CD274: variants seen among roughly 807,000 people sequenced by gnomAD.
The protein encoded by CD274 is programmed cell death 1 ligand 1.
In CD274, 8 loss-of-function variants were observed where a neutral mutation model predicts 30.1. That is an observed-to-expected ratio of 0.27 (90% CI 0.16 to 0.48). CD274 has a LOEUF of 0.48. CD274 is among the 20% of genes least tolerant of loss of function. The probability of loss-of-function intolerance (pLI) is 0.99; values close to 1 mark genes in which losing one functional copy is unlikely to be tolerated. For missense variants in CD274, 353 were observed against 346.6 expected, an observed-to-expected ratio of 1.02 and a Z score of -0.15; for synonymous variants, 152 against 124.6, an observed-to-expected ratio of 1.22 and a Z score of -1.46.
Position 5,467,917 on chromosome 9 carries a change from G to A in CD274, c.*55G>A, listed in dbSNP as rs1809597240. On this transcript the variant is annotated 3_prime_UTR_variant, in exon 7 of 7. Transcript: ENST00000381577. ...AGGGATTCTCAACCTGTGGTTTAGG[G>A]GTTCATCGGGGCTGAGCGTGACAAG... is the stretch of plus-strand genomic sequence containing the variant. 2 of 1,466,422 alleles carry A rather than the reference G, an allele frequency of 1.4e-6. No homozygotes were observed. Among genetic ancestry groups the A allele is most frequent in the Non-Finnish European group, 1.9e-6 (2 of 1,045,402 alleles). The allele number at this position is 1,466,422 out of a possible 1,614,324, so 90.8% of individuals were successfully genotyped here.
rs1183677374 is a variant in CD274, at chr9:5,462,859, A to G, written c.420A>G (p.Arg140=). 1.9e-6 allele frequency: 3 copies of G among 1,613,626 alleles called. No individual in the cohort carries two copies. The Admixed American group carries it at 5.0e-5, about 27-fold the overall frequency. ...VNAPYNKINQ[R]ILVVDPVTSE... ...CCCCATACAACAAAATCAACCAAAG[A>G]ATTTTGGTTGTGGATCCAGTCACCT... Residue 140 remains arginine (R), a synonymous_variant, in exon 4 of 7, where the codon AGA becomes AGG. Coordinates refer to ENST00000381577, the MANE Select transcript of CD274 (RefSeq NM_014143.4).
At chr9:5,450,683 C>A (rs569851352) in intron 1 of CD274, 87 bp downstream of exon 1, 4 of 152,394 alleles carry the variant, frequency 2.6e-5, no homozygotes, top group South Asian at 2.1e-4. Flanking sequence ...GGTCTCTACA[C>A]CCTTTCTTTG....
In CD274 at chr9:5,467,827, T is replaced by A. The variant is rs1236651628; in HGVS notation, c.851-13T>A. On this transcript the variant is annotated splice_polypyrimidine_tract_variant and intron_variant, in intron 6 of 6. Coordinates refer to ENST00000381577, the MANE Select transcript of CD274 (RefSeq NM_014143.4). ...ACTTCCCATGAAATTAATATACTAT[T>A]ATCACTCTCCAGATACACATTTGGA... 3 of 1,602,442 alleles carry A rather than the reference T, an allele frequency of 1.9e-6. No individual in the cohort carries two copies. Among genetic ancestry groups the A allele is most frequent in the Non-Finnish European group, 8.6e-7 (1 of 1,169,454 alleles).
At chr9:5,451,153 A>T (rs1819195502) in intron 1 of CD274, among the ~76,000 whole-genome samples, 1 of 152,238 alleles carries the variant, frequency 6.6e-6, no homozygotes, top group African/African-American at 2.4e-5. Context: ...TCTTAGACAC[A>T]TTGACCTTGG....
At position 5,457,389 on chromosome 9, in the gene CD274, C is replaced by A. The variant is rs35406529; in HGVS notation, c.363C>A (p.Ala121=). Residue 121 remains alanine (A), a synonymous_variant, in exon 3 of 7, where the codon GCC becomes GCA. Coordinates refer to ENST00000381577, the MANE Select transcript of CD274 (RefSeq NM_014143.4). ...GCTGCATGATCAGCTATGGTGGTGC[C>A]GACTACAAGCGAATTACTGTGAAAG... ...VYRCMISYGG[A]DYKRITVKVN... is the part of the protein sequence containing the mutation. The A allele has an allele frequency of 5.1e-4, 815 of 1,613,150 alleles. 2 individuals carry two copies. The African/African-American group carries it at 9.5e-3, about 19-fold the overall frequency.
chr9:5,463,268 C>T (rs112062258), intron 4 of CD274, 147 bp downstream of exon 4: 1 of 644,952 alleles, frequency 1.6e-6, no homozygotes, highest in African/African-American at 1.8e-5. Context: ...CCTAATTCCT[C>T]ACCTCCATTC....
rs1243212672 is a variant in CD274 at position 5,456,165 on chromosome 9, G to A, written c.52G>A (p.Ala18Thr). The A allele has an allele frequency of 3.1e-6, 5 of 1,591,666 alleles. No homozygotes were observed. The highest frequency in any genetic ancestry group is 1.3e-5 in the African/African-American group (1 of 74,342). ...CATGACCTACTGGCATTTGCTGAAC[G>A]GTAAGACACCAAATCCTTCCATTAG... ...IFMTYWHLLNAFTVTVPKDLY... is the reference protein window; with the variant it reads ...IFMTYWHLLNTFTVTVPKDLY... Residue 18 changes from alanine (A) to threonine (T), a missense_variant and splice_region_variant, in exon 2 of 7, where the codon GCA becomes ACA. Coordinates refer to ENST00000381577, the MANE Select transcript of CD274 (RefSeq NM_014143.4).
intron 5 of CD274, among the ~76,000 whole-genome samples, chr9:5,466,507 T>G (rs560368437): frequency 2.0e-5 from 3 of 152,198 alleles, no homozygotes; most frequent in South Asian, 4.1e-4. Context: ...CAATAGATAT[T>G]AAAATACCTC....
At chr9:5,463,784 T>C (rs547037696) in intron 4 of CD274, among the ~76,000 whole-genome samples, 96 of 152,260 alleles carry the variant, frequency 6.3e-4, no homozygotes, top group African/African-American at 2.2e-3. Context: ...AGCAAGCTTA[T>C]TGTAAGGGTC....
At position 5,468,859 on chromosome 9, in the gene CD274, T is replaced by A. The variant is rs1819540372; in HGVS notation, c.*997T>A. Reference sequence around the variant, plus strand: ...TATTTTACTTTAAGCAATTCTTTTATTCAAAAACCATTTATTAAGTGCCCT... The same window carrying A: ...TATTTTACTTTAAGCAATTCTTTTAATCAAAAACCATTTATTAAGTGCCCT... On this transcript the variant is annotated 3_prime_UTR_variant, in exon 7 of 7. Transcript: ENST00000381577. 1.7e-5 allele frequency: 4 copies of A among 233,024 alleles called. No homozygotes were observed. The highest frequency in any genetic ancestry group is 1.1e-4 in the Admixed American group (2 of 17,778). 14.4% of individuals were successfully genotyped at this position (233,024 alleles called of 1,614,324 possible).
At chr9:5,459,035 G>C (rs1259033810) in intron 3 of CD274, among the ~76,000 whole-genome samples, 1 of 152,136 alleles carries the variant, frequency 6.6e-6, no homozygotes, top group Non-Finnish European at 1.5e-5. Flanking sequence ...GGAGTGTGTA[G>C]GGAAGGGACA....
intron 1 of CD274, among the ~76,000 whole-genome samples, chr9:5,451,126 T>C (rs571329139): frequency 3.3e-5 from 5 of 152,322 alleles, no homozygotes; most frequent in Admixed American, 2.6e-4. Flanking sequence ...AGAATAAAAA[T>C]AGTATAATAA....
chr9:5,460,999 G>A (rs1454452037), intron 3 of CD274, among the ~76,000 whole-genome samples: 1 of 152,128 alleles, frequency 6.6e-6, no homozygotes, highest in Admixed American at 6.6e-5. Context: ...ATTTTAAGAG[G>A]TTGAAATAAA....
chr9:5,457,514 C>G (rs1819328041), intron 3 of CD274, 94 bp downstream of exon 3: 1 of 937,526 alleles, frequency 1.1e-6, no homozygotes, highest in Non-Finnish European at 1.6e-6. Context: ...TACTTATTTT[C>G]AAACAGAACA....
At chr9:5,453,803 G>C (rs921558370) in intron 1 of CD274, among the ~76,000 whole-genome samples, 2 of 152,184 alleles carry the variant, frequency 1.3e-5, no homozygotes, top group African/African-American at 4.8e-5. Flanking sequence ...GACGTTTTAG[G>C]CTGTATGTCT....
At chr9:5,458,471 T>C (rs748138798) in intron 3 of CD274, among the ~76,000 whole-genome samples, 1 of 152,240 alleles carries the variant, frequency 6.6e-6, no homozygotes, top group Non-Finnish European at 1.5e-5. Flanking sequence ...ATTTACATGA[T>C]GACCTTTTAA....
chr9:5,452,475 G>A lies in CD274; in HGVS notation c.-15+1879G>A, dbSNP rs557880292. Among the ~76,000 whole-genome samples the A allele has an allele frequency of 1.4e-3, 215 of 152,288 alleles. 1 individual carries two copies. Among genetic ancestry groups the A allele is most frequent in the South Asian group, 4.6e-3 (22 of 4,828 alleles). ...CTTCTTCCCCAGTTTACATTTCATT[G>A]CTCTTTAAATGTCTCCATTCGGATA... On this transcript the variant is annotated intron_variant, in intron 1 of 6. Coordinates refer to ENST00000381577, the MANE Select transcript of CD274 (RefSeq NM_014143.4).
Position 5,469,656 on chromosome 9 carries a change from T to C in CD274, c.*1794T>C. 4.3e-6 allele frequency: 1 copy of C among 231,926 alleles called. No homozygotes were observed. 14.4% of individuals were successfully genotyped at this position (231,926 alleles called of 1,614,324 possible). A position where few individuals can be genotyped will look rare whatever the true frequency, so the allele number is the denominator to read the frequency against. On this transcript the variant is annotated 3_prime_UTR_variant, in exon 7 of 7. Coordinates refer to ENST00000381577, the MANE Select transcript of CD274 (RefSeq NM_014143.4). ...AAGTTATCTTTCCCATAGCTTTTCA[T>C]TATCTTTCATATGATCCAGTATATG...
At chr9:5,464,570 C>T (rs955967650) in intron 4 of CD274, among the ~76,000 whole-genome samples, 1 of 152,088 alleles carries the variant, frequency 6.6e-6, no homozygotes, top group Non-Finnish European at 1.5e-5. Flanking sequence ...ACCCCCTTTC[C>T]TCCTGCATGG....
Sources: allele counts gnomAD v4.1 joint callset (sites outside exome capture counted in the v4.1 genomes callset), GRCh38; gene constraint gnomAD v4.1.1; transcripts MANE v1.5; gene names NCBI Gene and HGNC (gene_info 2026-07-23, HGNC 2026-07-21).